Variants in C16orf87 observed in about 807,000 individuals in gnomAD.
C16orf87 encodes UPF0547 protein C16orf87.
A neutral mutation model predicts 21.0 loss-of-function variants in C16orf87; 13 were observed. The ratio of observed to expected loss-of-function variants is 0.62; its 90% CI spans 0.40 to 0.98. C16orf87 has a LOEUF of 0.98. Among genes scored for constraint, C16orf87 ranks in the 50% least tolerant of loss-of-function variants. C16orf87 has a pLI of 0.00. For missense variants in C16orf87, 113 were observed against 180.4 expected, an observed-to-expected ratio of 0.63 and a Z score of 2.14; for synonymous variants, 49 against 60.2, an observed-to-expected ratio of 0.81 and a Z score of 0.86.
In C16orf87 at chr16:46,799,646, A is replaced by G. The variant is rs1967714765; in HGVS notation, c.*3306T>C. On this transcript the variant is annotated 3_prime_UTR_variant, in exon 4 of 4. Transcript: ENST00000285697. ...ATCTAGAGCATATTTTGAAAGTGGAATCAAACAAATTCAATACTTTTTTCA... is the reference window on the plus strand; with the variant it reads ...ATCTAGAGCATATTTTGAAAGTGGAGTCAAACAAATTCAATACTTTTTTCA... 1 of 152,240 alleles carries G rather than the reference A, an allele frequency of 6.6e-6. No individual in the cohort carries two copies. 9.4% of individuals were successfully genotyped at this position (152,240 alleles called of 1,614,324 possible). A position where few individuals can be genotyped will look rare whatever the true frequency, so the allele number is the denominator to read the frequency against.
chr16:46,812,243 C>CAATA lies in C16orf87; in HGVS notation c.164-2462_164-2459dup, dbSNP rs575742837. ...TGGGTGACAGAGCGAGACTCTGTCT[C>CAATA]AATAAATAAATAAATAAATAAATAA... On this transcript the variant is annotated intron_variant, in intron 2 of 3. Transcript: ENST00000285697. Among the ~76,000 whole-genome samples the CAATA allele has an allele frequency of 4.9e-3, 747 of 151,580 alleles. 2 individuals are homozygous for CAATA. Among genetic ancestry groups the CAATA allele is most frequent in the African/African-American group, 0.012 (498 of 41,264 alleles).
chr16:46,807,427 A>C (rs887395568), intron 3 of C16orf87, among the ~76,000 whole-genome samples: 3 of 152,136 alleles, frequency 2.0e-5, no homozygotes, highest in African/African-American at 7.2e-5. Context: ...AGAAGGAAAA[A>C]AAAAAAAGCA....
chr16:46,815,550 CAAAAA>C (rs908771478), intron 2 of C16orf87, among the ~76,000 whole-genome samples: 2 of 151,512 alleles, frequency 1.3e-5, no homozygotes, highest in Middle Eastern at 3.2e-3. Flanking sequence ...ACAACAACAA[CAAAAA>C]AAATCCCCAA....
In C16orf87 at chr16:46,826,051, A is replaced by C. The variant is rs565941834; in HGVS notation, c.67-1569T>G. Among the ~76,000 whole-genome samples the C allele has an allele frequency of 2.6e-5, 4 of 152,288 alleles. No homozygotes were observed. The South Asian group carries it at 8.3e-4, about 32-fold the overall frequency. On this transcript the variant is annotated intron_variant, in intron 1 of 3. Transcript: ENST00000285697. The stretch of plus-strand genomic sequence containing the variant: ...ACATAAAAAAAGAGAATGTAGGAGA[A>C]GGTAGGAATTTAGATCCAGAATCTT...
intron 3 of C16orf87, among the ~76,000 whole-genome samples, chr16:46,804,802 A>G (rs922426930): frequency 1.3e-5 from 2 of 152,278 alleles, no homozygotes; most frequent in African/African-American, 4.8e-5. Flanking sequence ...TCTGATTTCT[A>G]TTACCACAGA....
rs529903039 is a variant in C16orf87, at chr16:46,801,747, G to A, written c.*1205C>T. ...TGAAGTCTGAAATTGATAATGTTACGGCTAAAATTGAAAGGGAGATTCTCT... is the reference window on the plus strand; with the variant it reads ...TGAAGTCTGAAATTGATAATGTTACAGCTAAAATTGAAAGGGAGATTCTCT... On this transcript the variant is annotated 3_prime_UTR_variant, in exon 4 of 4. Transcript: ENST00000285697. The A allele has an allele frequency of 2.6e-5, 4 of 152,172 alleles. No homozygotes were observed. The highest frequency in any genetic ancestry group is 4.8e-5 in the African/African-American group (2 of 41,524). The allele number at this position is 152,172 out of a possible 1,614,324, so 9.4% of individuals were successfully genotyped here.
At chr16:46,806,389 C>T (rs1286547486) in intron 3 of C16orf87, among the ~76,000 whole-genome samples, 2 of 151,918 alleles carry the variant, frequency 1.3e-5, no homozygotes, top group East Asian at 1.9e-4. Context: ...TCCCAAGTAG[C>T]TGGGACTAGA....
At chr16:46,830,306 G>GAGAGAGAC (rs1265325953) in intron 1 of C16orf87, among the ~76,000 whole-genome samples, 4 of 149,146 alleles carry the variant, frequency 2.7e-5, no homozygotes, top group African/African-American at 9.9e-5. Context: ...GAGAGAGAGA[G>GAGAGAGAC]AGACACACAG....
At chr16:46,805,296 GT>G (rs905647400) in intron 3 of C16orf87, among the ~76,000 whole-genome samples, 1 of 151,940 alleles carries the variant, frequency 6.6e-6, no homozygotes, top group African/African-American at 2.4e-5. Flanking sequence ...TTTCCATTCT[GT>G]TTTTTCCATC....
intron 2 of C16orf87, 84 bp from the exon 3 acceptor site, chr16:46,809,869 T>A: frequency 2.5e-6 from 2 of 806,306 alleles, no homozygotes; most frequent in Non-Finnish European, 4.0e-6. Context: ...TTTTTCTTTC[T>A]AAATAGCACT....
intron 2 of C16orf87, among the ~76,000 whole-genome samples, chr16:46,812,541 G>A: frequency 6.6e-6 from 1 of 152,090 alleles, no homozygotes; most frequent in East Asian, 1.9e-4. Context: ...GGATGGGGCA[G>A]GGTTGGTCAT....
chr16:46,809,616 A>G lies in C16orf87; in HGVS notation c.333T>C (p.His111=). The change falls in exon 3 of 4, where the codon CAT becomes CAC. Residue 111 remains histidine (H), a synonymous_variant. Transcript: ENST00000285697. ...GRPKSASAKK[H]EEEREKQEKE... ...ATTTGTTCATACCTCTTTCTTCCTC[A>G]TGTTTTTTGGCAGATGCACTTTTAG... 6.2e-7 allele frequency: 1 copy of G among 1,607,084 alleles called. No homozygotes were observed. Among genetic ancestry groups the G allele is most frequent in the Non-Finnish European group, 8.5e-7 (1 of 1,177,480 alleles).
intron 1 of C16orf87, among the ~76,000 whole-genome samples, chr16:46,824,822 T>C (rs1959554056): frequency 6.6e-6 from 1 of 152,020 alleles, no homozygotes; most frequent in South Asian, 2.1e-4. Flanking sequence ...CACGCTACCA[T>C]GCCCAGCTAA....
At chr16:46,811,502 C>CA (rs59450750) in intron 2 of C16orf87, among the ~76,000 whole-genome samples, 178 of 134,924 alleles carry the variant, frequency 1.3e-3, no homozygotes, top group African/African-American at 4.6e-3. Flanking sequence ...AACTCCATCT[C>CA]AAAAAAAAAA....
chr16:46,803,109 T>C, intron 3 of C16orf87, 39 bp from the exon 4 acceptor site: 1 of 931,586 alleles, frequency 1.1e-6, no homozygotes, highest in Non-Finnish European at 1.7e-6. Context: ...ATAAAGGCAG[T>C]AGATGCAGTA....
At chr16:46,818,230 T>G (rs914377769) in intron 2 of C16orf87, among the ~76,000 whole-genome samples, 4 of 152,200 alleles carry the variant, frequency 2.6e-5, no homozygotes, top group Admixed American at 2.6e-4. Flanking sequence ...CACAGTCAAG[T>G]AATTCAGAGT....
In C16orf87 at chr16:46,801,632, C is replaced by T. The variant is rs1967781599; in HGVS notation, c.*1320G>A. On this transcript the variant is annotated 3_prime_UTR_variant, in exon 4 of 4. Coordinates refer to ENST00000285697, the MANE Select transcript of C16orf87 (RefSeq NM_001001436.4). ...AAATTCTTTATCCTATCTAGAGTAC[C>T]TCTTAAGCTCCCTCTGCTGGTTACC... 2 of 152,128 alleles carry T rather than the reference C, an allele frequency of 1.3e-5. No individual in the cohort carries two copies. Among genetic ancestry groups the T allele is most frequent in the South Asian group, 4.1e-4 (2 of 4,830 alleles). The allele number at this position is 152,128 out of a possible 1,614,324, so 9.4% of individuals were successfully genotyped here.
rs1054139722 is a variant in C16orf87 at position 46,831,150 on chromosome 16, G to A, written c.-1C>T. ...CTTTCTTGGCTCGAGTTGCAGACAT[G>A]CTCCTCTCCCTTAGCGGCGGCAGCA... On this transcript the variant is annotated 5_prime_UTR_variant, in exon 1 of 4. Transcript: ENST00000285697. 1.1e-5 allele frequency: 18 copies of A among 1,570,886 alleles called. No homozygotes were observed. The highest frequency in any genetic ancestry group is 2.4e-5 in the East Asian group (1 of 40,876).
rs1166154807 is a variant in C16orf87, at chr16:46,796,788, A to G, written c.*6164T>C. On this transcript the variant is annotated 3_prime_UTR_variant, in exon 4 of 4. Transcript: ENST00000285697. Reference sequence around the variant, plus strand: ...CTAACACTTGCATCACTGGAGCCTAAGAGGGAGGAGAAAGTAGAGCAGAAA... The same window carrying G: ...CTAACACTTGCATCACTGGAGCCTAGGAGGGAGGAGAAAGTAGAGCAGAAA... 6.6e-6 allele frequency: 1 copy of G among 152,212 alleles called. No individual in the cohort carries two copies. Among genetic ancestry groups the G allele is most frequent in the Admixed American group, 6.5e-5 (1 of 15,274 alleles). The allele number at this position is 152,212 out of a possible 1,614,324, so 9.4% of individuals were successfully genotyped here. A position where few individuals can be genotyped will look rare whatever the true frequency, so the allele number is the denominator to read the frequency against.
Sources: allele counts gnomAD v4.1 joint callset (sites outside exome capture counted in the v4.1 genomes callset), GRCh38; gene constraint gnomAD v4.1.1; transcripts MANE v1.5; gene names NCBI Gene and HGNC (gene_info 2026-07-23, HGNC 2026-07-21).